Variants in MLLT10 observed in about 807,000 individuals in gnomAD.
MLLT10 encodes MLLT10 histone lysine methyltransferase DOT1L cofactor.
MLLT10 carries 30 observed loss-of-function variants against 129.1 expected under a neutral mutation model. The observed-to-expected ratio is 0.23, with a 90% confidence interval of 0.17 to 0.32. MLLT10 has a LOEUF of 0.32. Among genes scored for constraint, MLLT10 ranks in the 10% least tolerant of loss-of-function variants. The probability of loss-of-function intolerance (pLI) is 1.00; values close to 1 mark genes in which losing one functional copy is unlikely to be tolerated. For synonymous variants in MLLT10, 490 were observed against 446.4 expected (o/e 1.10, Z -1.23); for missense variants, 1,119 against 1,268.3 (o/e 0.88, Z 1.79).
intron 13 of MLLT10, among the ~76,000 whole-genome samples, chr10:21,683,733 T>G (rs1439260665): frequency 6.6e-6 from 1 of 151,728 alleles, no homozygotes; most frequent in Non-Finnish European, 1.5e-5. Flanking sequence ...CTTTCGAAAT[T>G]TTTTGTGTTT....
intron 3 of MLLT10, chr10:21,571,981 C>G (rs1357693994): frequency 6.6e-6 from 1 of 152,178 alleles, no homozygotes; most frequent in Non-Finnish European, 1.5e-5. Flanking sequence ...GTAGTTATTG[C>G]TTACTGTGAG....
intron 3 of MLLT10, among the ~76,000 whole-genome samples, chr10:21,558,581 T>C (rs1388631566): frequency 1.3e-5 from 2 of 152,086 alleles, no homozygotes; most frequent in Admixed American, 1.3e-4. Flanking sequence ...AGGTGGGGTT[T>C]TGCTATGTTG....
chr10:21,588,053 A>G (rs1464023010), intron 4 of MLLT10, among the ~76,000 whole-genome samples: 3 of 151,276 alleles, frequency 2.0e-5, no homozygotes, highest in African/African-American at 7.3e-5. Flanking sequence ...TTTTTTTGAG[A>G]CTTTGCTTTT....
At chr10:21,631,905 A>G (rs2047046522) in intron 8 of MLLT10, among the ~76,000 whole-genome samples, 1 of 148,698 alleles carries the variant, frequency 6.7e-6, no homozygotes, top group Admixed American at 6.7e-5. Flanking sequence ...ATAAATCTGT[A>G]TTACAACTTG....
chr10:21,645,635 A>G (rs1223607149), intron 8 of MLLT10, among the ~76,000 whole-genome samples: 1 of 152,178 alleles, frequency 6.6e-6, no homozygotes, highest in Non-Finnish European at 1.5e-5. Context: ...AATCTTTTTA[A>G]TAATTTACTC....
intron 8 of MLLT10, among the ~76,000 whole-genome samples, chr10:21,619,025 G>GACAC (rs1225546623): frequency 1.7e-3 from 170 of 100,614 alleles, no homozygotes; most frequent in African/African-American, 6.5e-3. Context: ...CGTGCCTGGT[G>GACAC]ACATACACAC....
chr10:21,589,191 T>C (rs1331073427), intron 4 of MLLT10, among the ~76,000 whole-genome samples: 1 of 152,162 alleles, frequency 6.6e-6, no homozygotes, highest in Non-Finnish European at 1.5e-5. Context: ...GGTCAGTCTT[T>C]GTTTATATTG....
chr10:21,593,522 A>T (rs746054494), intron 4 of MLLT10, among the ~76,000 whole-genome samples: 9 of 152,098 alleles, frequency 5.9e-5, no homozygotes, highest in Non-Finnish European at 1.0e-4. Flanking sequence ...CCTTTATCTG[A>T]TAACTCCAAA....
rs2047311403 is a variant in MLLT10, at chr10:21,634,796, G to A, written c.700-16877G>A. On this transcript the variant is annotated intron_variant, in intron 8 of 22. Coordinates refer to ENST00000307729, the MANE Select transcript of MLLT10 (RefSeq NM_001195626.3). Reference sequence around the variant, plus strand: ...TATTTTTTTAAGTTCACTGTGTTACGTAATTCCTGTTATTATTCATCTTAA... The same window carrying A: ...TATTTTTTTAAGTTCACTGTGTTACATAATTCCTGTTATTATTCATCTTAA... Among the ~76,000 whole-genome samples the A allele has an allele frequency of 3.9e-5, 6 of 152,128 alleles. No homozygotes were observed. In the South Asian group the frequency reaches 1.0e-3, roughly 26 times the overall value.
chr10:21,731,713 G>T (rs1204502694), intron 17 of MLLT10, among the ~76,000 whole-genome samples: 1 of 152,120 alleles, frequency 6.6e-6, no homozygotes, highest in African/African-American at 2.4e-5. Flanking sequence ...CTATATATCT[G>T]TGTTTCAGTA....
At position 21,534,689 on chromosome 10, in the gene MLLT10, C is replaced by T; in HGVS notation, c.45C>T (p.Ser15=). The change falls in exon 2 of 23, where the codon TCC becomes TCT. Residue 15 remains serine, a synonymous_variant. Transcript: ENST00000307729. Reference sequence around the variant, plus strand: ...CCGTGTCACTGGAGGACGAGGTCTCCCATAGTATGAAGGAGATGATTGGAG... The same window carrying T: ...CCGTGTCACTGGAGGACGAGGTCTCTCATAGTATGAAGGAGATGATTGGAG... ...DRPVSLEDEV[S]HSMKEMIGGC... is the part of the protein sequence containing the mutation. 6.2e-7 allele frequency: 1 copy of T among 1,612,832 alleles called. No individual in the cohort carries two copies. Among genetic ancestry groups the T allele is most frequent in the Non-Finnish European group, 8.5e-7 (1 of 1,179,236 alleles).
At chr10:21,543,916 C>T (rs2035651520) in intron 3 of MLLT10, among the ~76,000 whole-genome samples, 1 of 152,184 alleles carries the variant, frequency 6.6e-6, no homozygotes, top group Non-Finnish European at 1.5e-5. Flanking sequence ...TTGAATTAGT[C>T]TTATGAATCT....
In MLLT10 at chr10:21,681,350, G is replaced by A; in HGVS notation, c.1640G>A (p.Arg547Gln). 3.1e-6 allele frequency: 5 copies of A among 1,611,702 alleles called. No homozygotes were observed. Among genetic ancestry groups the A allele is most frequent in the Non-Finnish European group, 1.7e-6 (2 of 1,179,364 alleles). The part of the protein sequence containing the change: ...PVGSEISMQY[R>Q]HDGACPTTTF... ...TCAACAGAAATTTCCATGCAGTATC[G>A]GCATGATGGAGCTTGCCCAACAACT... The change falls in exon 12 of 23, where the codon CGG becomes CAG. Residue 547 changes from arginine (R) to glutamine (Q), a missense_variant. Physicochemically the swap from Arg to Gln is conservative, Grantham distance 43. This residue lies in a region of MLLT10 where 1,004 missense variants were observed against 1,008.7 expected (regional missense o/e 1.00). Coordinates refer to ENST00000307729, the MANE Select transcript of MLLT10 (RefSeq NM_001195626.3).
At chr10:21,678,197 C>T (rs944467662) in intron 11 of MLLT10, among the ~76,000 whole-genome samples, 4 of 152,072 alleles carry the variant, frequency 2.6e-5, no homozygotes, top group Non-Finnish European at 5.9e-5. Context: ...CTCTGCCTCC[C>T]GAGTTAAAGC....
intron 3 of MLLT10, among the ~76,000 whole-genome samples, chr10:21,547,993 G>T (rs2036387159): frequency 6.6e-6 from 1 of 151,886 alleles, no homozygotes; most frequent in South Asian, 2.1e-4. Context: ...TTTTCTCAGG[G>T]TCTGAGGCTA....
intron 4 of MLLT10, among the ~76,000 whole-genome samples, chr10:21,594,928 A>G (rs2131130587): frequency 6.6e-6 from 1 of 152,336 alleles, no homozygotes; most frequent in African/African-American, 2.4e-5. Context: ...ACACTAAGAT[A>G]AAAATAATTT....
chr10:21,620,475 A>G (rs1242842230), intron 8 of MLLT10, among the ~76,000 whole-genome samples: 1 of 152,150 alleles, frequency 6.6e-6, no homozygotes, highest in African/African-American at 2.4e-5. Flanking sequence ...TAAGTTGAAA[A>G]TATTGTAAGT....
chr10:21,731,335 T>C (rs1303006987), intron 17 of MLLT10, among the ~76,000 whole-genome samples: 1 of 152,202 alleles, frequency 6.6e-6, no homozygotes, highest in African/African-American at 2.4e-5. Flanking sequence ...TTGGGAGTAA[T>C]AATGCACCCA....
chr10:21,576,677 C>T (rs1440444005), intron 3 of MLLT10, among the ~76,000 whole-genome samples: 3 of 150,036 alleles, frequency 2.0e-5, no homozygotes, highest in Non-Finnish European at 4.4e-5. Context: ...GTTGCCCAGA[C>T]TGGAGTGCAA....
Sources: allele counts gnomAD v4.1 joint callset (sites outside exome capture counted in the v4.1 genomes callset), GRCh38; gene constraint gnomAD v4.1.1; regional missense constraint gnomAD v4.1.1; transcripts MANE v1.5; gene names NCBI Gene and HGNC (gene_info 2026-07-23, HGNC 2026-07-21).